The following COL24A1 variants were observed in gnomAD, a reference collection of about 807,000 sequenced individuals.
COL24A1 encodes collagen type XXIV alpha 1 chain, also known as collagen alpha-1(XXIV) chain.
Under a neutral mutation model 253.9 loss-of-function variants are expected in COL24A1, and 224 were observed. The ratio of observed to expected loss-of-function variants is 0.88; its 90% CI spans 0.79 to 0.99. The LOEUF is 0.99. Ranked by LOEUF, COL24A1 falls within the 50% of genes least tolerant of loss-of-function variation. The probability of loss-of-function intolerance (pLI) is 0.00; values close to 1 mark genes in which losing one functional copy is unlikely to be tolerated. For synonymous variants in COL24A1, 685 were observed against 673.7 expected (o/e 1.02, Z -0.26); for missense variants, 2,131 against 2,068.5 (o/e 1.03, Z -0.59).
intron 37 of COL24A1, among the ~76,000 whole-genome samples, chr1:85,864,906 A>G (rs2046159): frequency 0.13 from 19,849 of 152,184 alleles, 1,430 homozygotes; most frequent in South Asian, 0.17. Context: ...TTTAGCATAG[A>G]TAACAGACCG....
intron 14 of COL24A1, among the ~76,000 whole-genome samples, chr1:86,024,507 T>G (rs895025714): frequency 2.0e-5 from 3 of 152,132 alleles, no homozygotes; most frequent in African/African-American, 7.2e-5. Flanking sequence ...GAATGGAAAA[T>G]AAGACATCAT....
rs11369327 is a variant in COL24A1, at chr1:85,783,265, C to CTT, written c.4284+229_4284+230dup. Among the ~76,000 whole-genome samples, 760 of 135,218 alleles carry CTT rather than the reference C, an allele frequency of 5.6e-3. 4 individuals are homozygous for CTT. Among genetic ancestry groups the CTT allele is most frequent in the African/African-American group, 0.019 (692 of 37,176 alleles). The allele number at this position is 135,218 out of a possible 152,430, so 88.7% of individuals were successfully genotyped here. On this transcript the variant is annotated intron_variant, in intron 51 of 59. Coordinates refer to ENST00000370571, the MANE Select transcript of COL24A1 (RefSeq NM_152890.7). Reference sequence around the variant, plus strand: ...AGTCTTCACAGTAATTCTGATGATTCTTTTTTTTTTTTTAAGTAAGACTAG... The same window carrying CTT: ...AGTCTTCACAGTAATTCTGATGATTCTTTTTTTTTTTTTTTAAGTAAGACTAG...
At chr1:85,867,079 T>C (rs1193252087) in intron 37 of COL24A1, among the ~76,000 whole-genome samples, 1 of 152,224 alleles carries the variant, frequency 6.6e-6, no homozygotes, top group Non-Finnish European at 1.5e-5. Flanking sequence ...TAAAAATGAA[T>C]GGTAAGACAG....
chr1:85,954,555 G>T (rs1476801661), intron 24 of COL24A1, among the ~76,000 whole-genome samples: 5 of 152,088 alleles, frequency 3.3e-5, no homozygotes, highest in African/African-American at 1.2e-4. Context: ...ATTTTCCAGG[G>T]TGTCTATGAG....
chr1:86,133,527 A>G (rs1269380984), intron 2 of COL24A1, among the ~76,000 whole-genome samples: 1 of 152,216 alleles, frequency 6.6e-6, no homozygotes, highest in Non-Finnish European at 1.5e-5. Context: ...ACGTCCCATC[A>G]ATACCTAATT....
At chr1:85,992,077 C>G (rs1330115122) in intron 19 of COL24A1, among the ~76,000 whole-genome samples, 1 of 151,888 alleles carries the variant, frequency 6.6e-6, no homozygotes, top group Non-Finnish European at 1.5e-5. Context: ...CTCCACTCCC[C>G]CCACCCCACA....
At chr1:86,110,315 A>G (rs1483787020) in intron 5 of COL24A1, among the ~76,000 whole-genome samples, 1 of 151,332 alleles carries the variant, frequency 6.6e-6, no homozygotes, top group African/African-American at 2.4e-5. Flanking sequence ...AAGGTAACCA[A>G]CCTGTGTACC....
chr1:85,794,141 C>T (rs1034886732), intron 47 of COL24A1, among the ~76,000 whole-genome samples: 1 of 152,036 alleles, frequency 6.6e-6, no homozygotes, highest in Non-Finnish European at 1.5e-5. Flanking sequence ...TTGTGAGCCT[C>T]TTATCTCCAG....
At chr1:85,919,666 G>A (rs1028861707) in intron 24 of COL24A1, among the ~76,000 whole-genome samples, 63 of 152,314 alleles carry the variant, frequency 4.1e-4, no homozygotes, top group African/African-American at 1.4e-3. Flanking sequence ...GGGTGACACA[G>A]TGAGACCCTG....
chr1:86,142,320 G>A (rs1404443289), intron 2 of COL24A1, among the ~76,000 whole-genome samples: 30 of 151,826 alleles, frequency 2.0e-4, no homozygotes, highest in African/African-American at 9.7e-5. Context: ...TCAGGAGATC[G>A]AGACCATCCT....
At chr1:85,820,918 G>A (rs1445492780) in intron 45 of COL24A1, among the ~76,000 whole-genome samples, 1 of 152,118 alleles carries the variant, frequency 6.6e-6, no homozygotes, top group African/African-American at 2.4e-5. Context: ...TAATACAAAC[G>A]CTTGTTTTTT....
chr1:86,042,091 C>G (rs572532889), intron 12 of COL24A1, among the ~76,000 whole-genome samples: 1 of 151,974 alleles, frequency 6.6e-6, no homozygotes, highest in Non-Finnish European at 1.5e-5. Context: ...ACCTCGCTAT[C>G]CAAAAGCATG....
At chr1:85,747,338 T>TC (rs1386570997) in intron 55 of COL24A1, among the ~76,000 whole-genome samples, 1 of 151,960 alleles carries the variant, frequency 6.6e-6, no homozygotes, top group Non-Finnish European at 1.5e-5. Flanking sequence ...GGTCTCAAAC[T>TC]CCTGACCTCA....
At chr1:86,051,019 T>C (rs867415451) in intron 10 of COL24A1, among the ~76,000 whole-genome samples, 2 of 152,108 alleles carry the variant, frequency 1.3e-5, no homozygotes, top group African/African-American at 2.4e-5. Context: ...TTAGGGAGTA[T>C]GGTAATGCAC....
chr1:85,845,539 C>T (rs1677066736), intron 39 of COL24A1, among the ~76,000 whole-genome samples: 1 of 151,830 alleles, frequency 6.6e-6, no homozygotes, highest in African/African-American at 2.4e-5. Flanking sequence ...GACTTCTATT[C>T]ACTGCTATAG....
intron 55 of COL24A1, among the ~76,000 whole-genome samples, chr1:85,747,185 C>T (rs1483003128): frequency 2.0e-5 from 3 of 146,668 alleles, no homozygotes; most frequent in East Asian, 4.1e-4. Flanking sequence ...GATCTCGGCT[C>T]ACTGCAACCT....
At chr1:86,060,280 C>A (rs1700987687) in intron 8 of COL24A1, among the ~76,000 whole-genome samples, 1 of 151,986 alleles carries the variant, frequency 6.6e-6, no homozygotes. Context: ...TTAAATAATT[C>A]TTGACACAAG....
chr1:85,864,507 G>A (rs533220108), intron 37 of COL24A1, among the ~76,000 whole-genome samples: 264 of 151,938 alleles, frequency 1.7e-3, no homozygotes, highest in African/African-American at 5.5e-3. Context: ...AAACCTGCAC[G>A]TTGTGTACAT....
intron 7 of COL24A1, among the ~76,000 whole-genome samples, chr1:86,082,602 TATATAA>T (rs1479833117): frequency 2.1e-5 from 2 of 94,114 alleles, no homozygotes; most frequent in Non-Finnish European, 4.7e-5. Context: ...ATTTACGTAA[TATATAA>T]ATATAATAAT....
Sources: gnomAD v4.1 joint callset for allele counts (sites outside exome capture counted in the v4.1 genomes callset) on GRCh38, gnomAD v4.1.1 for gene constraint, MANE v1.5 for transcripts, NCBI Gene and HGNC (gene_info 2026-07-23, HGNC 2026-07-21) for gene names.